SHANK2: variants seen among roughly 807,000 people sequenced by gnomAD.
SHANK2 encodes the protein SH3 and multiple ankyrin repeat domains 2.
SHANK2 carries 43 observed loss-of-function variants against 133.7 expected under a neutral mutation model. That is an observed-to-expected ratio of 0.32 (90% CI 0.25 to 0.41). The LOEUF (loss-of-function observed/expected upper bound fraction) is 0.41, where lower values mean the gene tolerates loss of function less well. SHANK2 is among the 10% of genes least tolerant of loss of function. SHANK2 has a pLI of 1.00. For missense variants in SHANK2, 1,994 were observed against 2,235.8 expected, an observed-to-expected ratio of 0.89 and a Z score of 2.18; for synonymous variants, 1,017 against 952.8, an observed-to-expected ratio of 1.07 and a Z score of -1.24.
chr11:70,802,481 T>A (rs1263205790), intron 13 of SHANK2, among the ~76,000 whole-genome samples: 3 of 152,214 alleles, frequency 2.0e-5, no homozygotes, highest in Non-Finnish European at 4.4e-5. Flanking sequence ...GCCAGGTCAC[T>A]GCGGAGGAGG....
rs542164003 is a variant in SHANK2 at position 71,133,291 on chromosome 11, C to CGGCT, written c.207+13825_207+13828dup. Among the ~76,000 whole-genome samples, 947 of 111,264 alleles carry CGGCT rather than the reference C, an allele frequency of 8.5e-3. 14 individuals are homozygous for CGGCT. Among genetic ancestry groups the CGGCT allele is most frequent in the African/African-American group, 0.035 (859 of 24,596 alleles). The allele number at this position is 111,264 out of a possible 152,430, so 73.0% of individuals were successfully genotyped here. ...ATGGATGGATGGATGGCCGGCCGGA[C>CGGCT]GGCTGGCTGGCTGGCTGGCTGGCTG... is the stretch of plus-strand genomic sequence containing the variant. On this transcript the variant is annotated intron_variant, in intron 3 of 25. Transcript: ENST00000601538.
chr11:70,708,464 G>A (rs181698641), intron 14 of SHANK2, among the ~76,000 whole-genome samples: 3 of 152,200 alleles, frequency 2.0e-5, no homozygotes, highest in Admixed American at 6.5e-5. Flanking sequence ...ATCAGTCCCC[G>A]CACTCCCCCA....
At chr11:70,784,322 C>T (rs1346716310) in intron 14 of SHANK2, among the ~76,000 whole-genome samples, 1 of 130,754 alleles carries the variant, frequency 7.6e-6, no homozygotes, top group African/African-American at 2.8e-5. Context: ...GACTACAGGG[C>T]GTGCGCCACC....
intron 17 of SHANK2, among the ~76,000 whole-genome samples, chr11:70,649,201 C>A (rs1310642776): frequency 6.6e-6 from 1 of 152,198 alleles, no homozygotes; most frequent in African/African-American, 2.4e-5. Flanking sequence ...TGCCCAGGAC[C>A]GTCCCTGTCT....
chr11:70,518,661 G>GGA (rs1344513946), intron 17 of SHANK2, among the ~76,000 whole-genome samples: 2 of 152,202 alleles, frequency 1.3e-5, no homozygotes, highest in Admixed American at 6.5e-5. Flanking sequence ...ATTGCATCCA[G>GGA]GAGCCCTTTG....
chr11:70,801,264 G>C (rs1234602128), intron 13 of SHANK2, among the ~76,000 whole-genome samples: 1 of 152,204 alleles, frequency 6.6e-6, no homozygotes, highest in Non-Finnish European at 1.5e-5. Flanking sequence ...AATATGAAAG[G>C]CTGTTTCCAA....
At chr11:71,109,187 G>A (rs1448233508) in intron 6 of SHANK2, among the ~76,000 whole-genome samples, 1 of 152,054 alleles carries the variant, frequency 6.6e-6, no homozygotes, top group East Asian at 1.9e-4. Context: ...GCTTTGCATG[G>A]AGACCCTCAC....
At chr11:71,223,484 C>A (rs1160173086) in intron 2 of SHANK2, among the ~76,000 whole-genome samples, 1 of 152,198 alleles carries the variant, frequency 6.6e-6, no homozygotes, top group Non-Finnish European at 1.5e-5. Context: ...GTATAGCAAA[C>A]ATTTACATAT....
intron 14 of SHANK2, among the ~76,000 whole-genome samples, chr11:70,790,226 G>A (rs1278687124): frequency 4.6e-5 from 7 of 152,340 alleles, no homozygotes; most frequent in Non-Finnish European, 8.8e-5. Flanking sequence ...GGAAATTGAT[G>A]TCTTGGAAGA....
Position 70,674,673 on chromosome 11 carries a change from T to A in SHANK2, c.1854-12995A>T, listed in dbSNP as rs555647613. ...CAATGATGTCCTTTGGAAGGGGTTCTGCAAATGTTCTAGACCAGGCAACGG... is the reference window on the plus strand; with the variant it reads ...CAATGATGTCCTTTGGAAGGGGTTCAGCAAATGTTCTAGACCAGGCAACGG... On this transcript the variant is annotated intron_variant, in intron 15 of 25. Transcript: ENST00000601538. Among the ~76,000 whole-genome samples the A allele has an allele frequency of 2.0e-5, 3 of 152,366 alleles. No homozygotes were observed. In the South Asian group the frequency reaches 6.2e-4, roughly 32 times the overall value.
At chr11:70,761,993 G>A (rs1459247844) in intron 14 of SHANK2, among the ~76,000 whole-genome samples, 3 of 152,196 alleles carry the variant, frequency 2.0e-5, no homozygotes, top group African/African-American at 7.2e-5. Flanking sequence ...CAGCCCCAGC[G>A]GCTTTTCTCA....
intron 17 of SHANK2, among the ~76,000 whole-genome samples, chr11:70,578,489 C>T (rs542513918): frequency 1.5e-4 from 23 of 152,346 alleles, no homozygotes; most frequent in Non-Finnish European, 2.2e-4. Flanking sequence ...CAGCATTGCA[C>T]GGCCCAAGAG....
At chr11:70,749,247 G>A (rs1261733639) in intron 14 of SHANK2, among the ~76,000 whole-genome samples, 7 of 152,188 alleles carry the variant, frequency 4.6e-5, no homozygotes, top group African/African-American at 1.7e-4. Flanking sequence ...AAGAGCCAGA[G>A]GAAGGGAGTC....
intron 3 of SHANK2, among the ~76,000 whole-genome samples, chr11:71,128,863 C>T (rs1446522835): frequency 6.6e-6 from 1 of 152,212 alleles, no homozygotes; most frequent in Non-Finnish European, 1.5e-5. Context: ...CAGCTCACTG[C>T]AACCTCCACC....
At chr11:70,741,160 C>T (rs919293747) in intron 14 of SHANK2, among the ~76,000 whole-genome samples, 4 of 142,952 alleles carry the variant, frequency 2.8e-5, no homozygotes, top group East Asian at 4.0e-4. Context: ...TCAGAGGTGT[C>T]GCCTACCCAT....
Position 70,850,606 on chromosome 11 carries a change from T to C in SHANK2, c.1175-29924A>G, listed in dbSNP as rs12279106. Reference sequence around the variant, plus strand: ...CCATGCACGCCCGAGCTGAGCTCTCTCCCAAATTCCAAGATCTAAGTGTAG... The same window carrying C: ...CCATGCACGCCCGAGCTGAGCTCTCCCCCAAATTCCAAGATCTAAGTGTAG... On this transcript the variant is annotated intron_variant, in intron 11 of 25. Transcript: ENST00000601538. 6.2e-3 allele frequency among the ~76,000 whole-genome samples: 951 copies of C among 152,282 alleles called. 4 individuals are homozygous for C. The highest frequency in any genetic ancestry group is 0.022 in the African/African-American group (915 of 41,544).
chr11:71,145,256 C>A (rs542759078), intron 3 of SHANK2, among the ~76,000 whole-genome samples: 3 of 152,072 alleles, frequency 2.0e-5, no homozygotes, highest in African/African-American at 7.2e-5. Context: ...AACCGTCTTG[C>A]GCTACACATA....
intron 15 of SHANK2, among the ~76,000 whole-genome samples, chr11:70,689,602 C>T (rs1285537646): frequency 6.6e-6 from 1 of 152,148 alleles, no homozygotes; most frequent in African/African-American, 2.4e-5. Flanking sequence ...AGTGCTATAA[C>T]TTCTTACTGG....
At chr11:70,570,295 T>A (rs782553239) in intron 17 of SHANK2, among the ~76,000 whole-genome samples, 1 of 152,162 alleles carries the variant, frequency 6.6e-6, no homozygotes, top group Non-Finnish European at 1.5e-5. Context: ...CCGTTCTTGA[T>A]GATTAATTTT....
Sources: gnomAD v4.1 joint callset for allele counts (sites outside exome capture counted in the v4.1 genomes callset) on GRCh38, gnomAD v4.1.1 for gene constraint, MANE v1.5 for transcripts, NCBI Gene and HGNC (gene_info 2026-07-23, HGNC 2026-07-21) for gene names.